The following BEAN1 variants were observed in gnomAD, a reference collection of about 807,000 sequenced individuals.
The protein encoded by BEAN1 is brain expressed associated with NEDD4 1, also known as protein BEAN1.
Under a neutral mutation model 17.7 loss-of-function variants are expected in BEAN1, and 17 were observed. The ratio of observed to expected loss-of-function variants is 0.96; its 90% CI spans 0.66 to 1.44. The LOEUF is 1.44. Among genes scored for constraint, BEAN1 ranks in the 40% most tolerant of loss-of-function variants. The pLI, the probability that BEAN1 is intolerant of heterozygous loss-of-function variation, is 0.00. For synonymous variants in BEAN1, 142 were observed against 151.8 expected, an observed-to-expected ratio of 0.94 and a Z score of 0.47; for missense variants, 359 against 374.1, an observed-to-expected ratio of 0.96 and a Z score of 0.33.
intron 3 of BEAN1, among the ~76,000 whole-genome samples, chr16:66,470,547 T>C (rs1021265080): frequency 4.6e-5 from 7 of 152,014 alleles, no homozygotes; most frequent in Non-Finnish European, 2.9e-5. Flanking sequence ...GGGGTGAATA[T>C]ATGAATAAGT....
chr16:66,452,529 T>G (rs1410108473), intron 2 of BEAN1, among the ~76,000 whole-genome samples: 1 of 152,224 alleles, frequency 6.6e-6, no homozygotes, highest in Non-Finnish European at 1.5e-5. Context: ...CTAAAGGAGT[T>G]GGCAAAAGCA....
In BEAN1 at chr16:66,427,496, C is replaced by G. The variant is rs1470155410; in HGVS notation, c.-83+65C>G. On this transcript the variant is annotated intron_variant, in intron 1 of 4. Coordinates refer to ENST00000536005, the MANE Select transcript of BEAN1 (RefSeq NM_001178020.3). The surrounding 1 kb of genome is among the most constrained non-coding windows in gnomAD (Gnocchi z 4.7). ...GCGGGGGGTCCCGGCCCCATTCCCCCGCGCTCTGCGGTGGTACCGGCGAAC... is the reference window on the plus strand; with the variant it reads ...GCGGGGGGTCCCGGCCCCATTCCCCGGCGCTCTGCGGTGGTACCGGCGAAC... The G allele has an allele frequency of 2.0e-5, 3 of 151,526 alleles. No individual in the cohort carries two copies. Among genetic ancestry groups the G allele is most frequent in the East Asian group, 2.0e-4 (1 of 5,090 alleles). 9.4% of individuals were successfully genotyped at this position (151,526 alleles called of 1,614,324 possible).
chr16:66,472,878 C>T (rs1963537639), intron 3 of BEAN1, among the ~76,000 whole-genome samples: 1 of 151,672 alleles, frequency 6.6e-6, no homozygotes, highest in African/African-American at 2.4e-5. Flanking sequence ...AAAAATTATC[C>T]AGGTGTGATG....
intron 3 of BEAN1, among the ~76,000 whole-genome samples, chr16:66,474,159 G>A (rs1401869458): frequency 3.3e-5 from 5 of 152,168 alleles, no homozygotes; most frequent in East Asian, 1.9e-4. Flanking sequence ...TGCCTCAGGC[G>A]AGTCATCTAT....
chr16:66,483,708 C>T (rs1256961738), downstream of BEAN1: 1 of 152,208 alleles, frequency 6.6e-6, no homozygotes, highest in Admixed American at 6.5e-5. Context: ...GGGTGCAATC[C>T]AAAATTCGAA....
At chr16:66,492,830 C>T (rs1274505466) in intron 4 of BEAN1, 9 of 606,896 alleles carry the variant, frequency 1.5e-5, no homozygotes, top group Admixed American at 1.2e-4. Flanking sequence ...TGGCCAAATG[C>T]CCTCATCCAC....
At chr16:66,458,264 G>A (rs1057125069) in intron 2 of BEAN1, among the ~76,000 whole-genome samples, 1 of 152,138 alleles carries the variant, frequency 6.6e-6, no homozygotes, top group East Asian at 1.9e-4. Context: ...GAATGACTGT[G>A]GAGCTGCCTC....
chr16:66,480,894 C>G lies in BEAN1; in HGVS notation c.749C>G (p.Ala250Gly). 6.8e-7 allele frequency: 1 copy of G among 1,464,798 alleles called. No homozygotes were observed. The highest frequency in any genetic ancestry group is 9.1e-7 in the Non-Finnish European group (1 of 1,103,598). 90.7% of individuals were successfully genotyped at this position (1,464,798 alleles called of 1,614,324 possible). ...GSQGSPTPTR[A>G]PASGPERIV is the part of the protein sequence containing the mutation. The stretch of plus-strand genomic sequence containing the variant: ...CAGGGCTCACCCACCCCAACCCGGG[C>G]CCCAGCCTCTGGCCCAGAGAGGATT... Residue 250 changes from alanine (A) to glycine (G), a missense_variant, in exon 5 of 5, where the codon GCC becomes GGC. Ala to Gly is a moderately conservative substitution (Grantham distance 60, BLOSUM62 0). Transcript: ENST00000536005.
intron 2 of BEAN1, among the ~76,000 whole-genome samples, chr16:66,464,410 G>A (rs973759569): frequency 1.3e-5 from 2 of 151,724 alleles, no homozygotes; most frequent in African/African-American, 4.8e-5. Context: ...GGCGCATCTC[G>A]GCTCACTGCA....
rs553184924 is a variant in BEAN1, at chr16:66,436,513, T to C, written c.-82-1082T>C. Among the ~76,000 whole-genome samples the C allele has an allele frequency of 2.3e-3, 344 of 151,010 alleles. 1 individual carries two copies. The highest frequency in any genetic ancestry group is 4.0e-3 in the South Asian group (19 of 4,736). Reference sequence around the variant, plus strand: ...CAGGATGGTCTCGATCTCCTGACCTTATGATCTGCCCGCCTCGGCCTCCCA... The same window carrying C: ...CAGGATGGTCTCGATCTCCTGACCTCATGATCTGCCCGCCTCGGCCTCCCA... On this transcript the variant is annotated intron_variant, in intron 1 of 4. Transcript: ENST00000536005.
At chr16:66,454,123 T>A (rs1183552470) in intron 2 of BEAN1, among the ~76,000 whole-genome samples, 1 of 152,222 alleles carries the variant, frequency 6.6e-6, no homozygotes, top group African/African-American at 2.4e-5. Flanking sequence ...TTTGTATGAT[T>A]TAAATCTTTT....
chr16:66,492,030 T>C (rs978080271), intron 4 of BEAN1, among the ~76,000 whole-genome samples: 1 of 152,068 alleles, frequency 6.6e-6, no homozygotes, highest in African/African-American at 2.4e-5. Context: ...GGTTTTGTTT[T>C]TTTGTTGTTT....
chr16:66,494,830 T>C (rs1964224294), downstream of BEAN1, among the ~76,000 whole-genome samples: 1 of 152,172 alleles, frequency 6.6e-6, no homozygotes, highest in African/African-American at 2.4e-5. Flanking sequence ...TGCACACAAA[T>C]AGGTACATTC....
intron 2 of BEAN1, 72 bp downstream of exon 2, chr16:66,437,773 G>A (rs1443512896): frequency 6.8e-7 from 1 of 1,481,048 alleles, no homozygotes; most frequent in South Asian, 1.2e-5. Flanking sequence ...GAGCTGCAGA[G>A]AACGGCTTGA....
chr16:66,433,466 A>T (rs1224010264), intron 1 of BEAN1, among the ~76,000 whole-genome samples: 3 of 152,144 alleles, frequency 2.0e-5, no homozygotes, highest in East Asian at 1.9e-4. Context: ...CCTCCTCTGC[A>T]GTCACCGTTG....
chr16:66,460,182 G>A (rs142619272), intron 2 of BEAN1, among the ~76,000 whole-genome samples: 44 of 152,342 alleles, frequency 2.9e-4, no homozygotes, highest in Middle Eastern at 6.8e-3. Context: ...GAACCAGAGC[G>A]CTGGAGAGTG....
At chr16:66,451,859 C>T (rs566741366) in intron 2 of BEAN1, among the ~76,000 whole-genome samples, 39 of 152,290 alleles carry the variant, frequency 2.6e-4, no homozygotes, top group African/African-American at 9.1e-4. Flanking sequence ...CAAAGGAACT[C>T]GGGACTTTGG....
downstream of BEAN1, chr16:66,484,557 G>A (rs1964058186): frequency 2.2e-6 from 1 of 453,826 alleles, no homozygotes; most frequent in Non-Finnish European, 4.4e-6. This position sits in a 1 kb window ranked among gnomAD's most constrained non-coding sequence, Gnocchi z 4.2. Flanking sequence ...GAGGCCCAAG[G>A]AGATGGAAGG....
rs35976761 is a variant in BEAN1, at chr16:66,488,518, C to CAA, written c.148-4423_148-4422dup. Among the ~76,000 whole-genome samples the CAA allele has an allele frequency of 7.7e-3, 378 of 49,114 alleles. 4 individuals are homozygous for CAA. The highest frequency in any genetic ancestry group is 0.023 in the African/African-American group (324 of 13,830). The allele number at this position is 49,114 out of a possible 152,430, so 32.2% of individuals were successfully genotyped here. A position where few individuals can be genotyped will look rare whatever the true frequency, so the allele number is the denominator to read the frequency against. On this transcript the variant is annotated intron_variant, in intron 4 of 4. Transcript: ENST00000561796. ...CAACATAGTGAGACCTTATCACTAC[C>CAA]AAAAAAAAAAAAAAAAAAAAAACTG...
Sources: gnomAD v4.1 joint callset for allele counts (sites outside exome capture counted in the v4.1 genomes callset) on GRCh38, gnomAD v4.1.1 for gene constraint, Gnocchi (gnomAD v3.1) non-coding constraint, MANE v1.5 for transcripts, NCBI Gene and HGNC (gene_info 2026-07-23, HGNC 2026-07-21) for gene names.